SMAD3: variants seen among roughly 807,000 people sequenced by gnomAD.
SMAD3 encodes SMAD family member 3.
SMAD3 carries 12 observed loss-of-function variants against 51.8 expected under a neutral mutation model. The ratio of observed to expected loss-of-function variants is 0.23; its 90% CI spans 0.15 to 0.38. SMAD3 has a LOEUF of 0.38. Among genes scored for constraint, SMAD3 ranks in the 10% least tolerant of loss-of-function variants. The pLI is 1.00. For synonymous variants in SMAD3, 238 were observed against 227.7 expected (o/e 1.05, Z -0.41); for missense variants, 294 against 565.6 (o/e 0.52, Z 4.87).
chr15:67,182,972 T>A (rs1963099858), intron 6 of SMAD3, among the ~76,000 whole-genome samples: 1 of 113,486 alleles, frequency 8.8e-6, no homozygotes, highest in Admixed American at 9.7e-5. Context: ...AACTGGCTTT[T>A]TTCTATATTT....
intron 1 of SMAD3, among the ~76,000 whole-genome samples, chr15:67,148,343 T>C (rs546251035): frequency 6.6e-6 from 1 of 152,282 alleles, no homozygotes; most frequent in Admixed American, 6.5e-5. Context: ...AGGGCTCCAG[T>C]CCATCCCCAG....
intron 4 of SMAD3, among the ~76,000 whole-genome samples, chr15:67,169,766 G>T (rs538926737): frequency 6.6e-6 from 1 of 152,040 alleles, no homozygotes; most frequent in South Asian, 2.1e-4. Context: ...CCCGGCCTCC[G>T]CAGCCTTCTT....
intron 1 of SMAD3, among the ~76,000 whole-genome samples, chr15:67,143,771 C>A (rs555791477): frequency 6.6e-6 from 1 of 152,146 alleles, no homozygotes; most frequent in East Asian, 1.9e-4. Flanking sequence ...GAGATGGAGT[C>A]TCGCACTGTC....
chr15:67,185,508 G>A (rs1485635935), intron 7 of SMAD3, among the ~76,000 whole-genome samples: 2 of 152,178 alleles, frequency 1.3e-5, no homozygotes, highest in African/African-American at 2.4e-5. Flanking sequence ...TCTCTGGCTG[G>A]AGGAGGGTCA....
intron 6 of SMAD3, among the ~76,000 whole-genome samples, chr15:67,183,337 C>G (rs1179679065): frequency 4.6e-5 from 7 of 151,950 alleles, no homozygotes; most frequent in Admixed American, 3.3e-4. Context: ...AGCCACCATG[C>G]CCGGCCTATT....
At chr15:67,134,711 C>T (rs2140256606) in intron 1 of SMAD3, among the ~76,000 whole-genome samples, 1 of 152,336 alleles carries the variant, frequency 6.6e-6, no homozygotes, top group Admixed American at 6.5e-5. Flanking sequence ...CTCTCAAAGA[C>T]TCTGAAGTCC....
At chr15:67,131,175 C>T (rs1350796327) in intron 1 of SMAD3, among the ~76,000 whole-genome samples, 4 of 152,236 alleles carry the variant, frequency 2.6e-5, no homozygotes, top group Non-Finnish European at 4.4e-5. Flanking sequence ...TTGCCATGTT[C>T]TCTGAGGACC....
At chr15:67,138,012 C>T (rs1961708992) in intron 1 of SMAD3, 3 of 1,547,804 alleles carry the variant, frequency 1.9e-6, no homozygotes, top group African/African-American at 1.4e-5. Flanking sequence ...CCTGTGACCT[C>T]CCAACTTCAC....
chr15:67,183,521 G>T (rs1363383320), intron 6 of SMAD3, among the ~76,000 whole-genome samples: 1 of 152,156 alleles, frequency 6.6e-6, no homozygotes, highest in Non-Finnish European at 1.5e-5. Flanking sequence ...ATGGGGAGTG[G>T]TTGGAGGAAG....
At chr15:67,114,715 C>T (rs955721629) in intron 1 of SMAD3, among the ~76,000 whole-genome samples, 13 of 152,128 alleles carry the variant, frequency 8.5e-5, no homozygotes, top group African/African-American at 3.1e-4. Flanking sequence ...CTTCCACCTG[C>T]CAGTACCCAG....
chr15:67,138,935 A>G (rs1248856996), intron 1 of SMAD3, among the ~76,000 whole-genome samples: 1 of 152,228 alleles, frequency 6.6e-6, no homozygotes, highest in East Asian at 1.9e-4. Context: ...TCAGTGTTTA[A>G]GGAACTGTAG....
At chr15:67,113,456 A>G (rs1215160783) in intron 1 of SMAD3, among the ~76,000 whole-genome samples, 1 of 152,198 alleles carries the variant, frequency 6.6e-6, no homozygotes, top group Non-Finnish European at 1.5e-5. Context: ...CAGAAATCCA[A>G]TAATTACAAT....
intron 1 of SMAD3, among the ~76,000 whole-genome samples, chr15:67,111,670 G>A (rs1322629525): frequency 6.6e-6 from 1 of 152,102 alleles, no homozygotes; most frequent in Non-Finnish European, 1.5e-5. Flanking sequence ...GTTATTGTCT[G>A]TTTTATTTTA....
intron 1 of SMAD3, chr15:67,138,145 C>G: frequency 7.1e-7 from 1 of 1,417,946 alleles, no homozygotes; most frequent in Non-Finnish European, 9.8e-7. Context: ...TTCTTGAACT[C>G]GTCTCCCCAC....
At chr15:67,181,476 G>A (rs897912452) in intron 6 of SMAD3, 23 bp downstream of exon 6, 83 of 1,184,220 alleles carry the variant, frequency 7.0e-5, no homozygotes, top group African/African-American at 4.6e-4. Flanking sequence ...TCCATTCCCC[G>A]CCCCCCCACC....
chr15:67,076,983 G>C (rs1477980404), intron 1 of SMAD3, among the ~76,000 whole-genome samples: 1 of 152,170 alleles, frequency 6.6e-6, no homozygotes, highest in Non-Finnish European at 1.5e-5. Context: ...TGAAAGTTAT[G>C]GGTGGTGCTA....
chr15:67,123,694 A>G (rs1019701399), intron 1 of SMAD3, among the ~76,000 whole-genome samples: 1 of 152,244 alleles, frequency 6.6e-6, no homozygotes, highest in African/African-American at 2.4e-5. Flanking sequence ...TGGGAGACGG[A>G]CAAACTTATT....
At chr15:67,099,110 G>T in intron 1 of SMAD3, 1 of 675,366 alleles carries the variant, frequency 1.5e-6, no homozygotes, top group East Asian at 2.7e-5. Flanking sequence ...TGTGACTTCT[G>T]CATTCCTGGG....
chr15:67,122,133 C>T (rs1395015293), intron 1 of SMAD3, among the ~76,000 whole-genome samples: 1 of 152,194 alleles, frequency 6.6e-6, no homozygotes, highest in Non-Finnish European at 1.5e-5. Flanking sequence ...CATATGTCCC[C>T]ATTTTGTAGA....
Sources: gnomAD v4.1 joint callset for allele counts (sites outside exome capture counted in the v4.1 genomes callset) on GRCh38, gnomAD v4.1.1 for gene constraint, MANE v1.5 for transcripts, NCBI Gene and HGNC (gene_info 2026-07-23, HGNC 2026-07-21) for gene names.